DMD: variants seen among roughly 807,000 people sequenced by gnomAD.
DMD encodes dystrophin.
A neutral mutation model predicts 330.1 loss-of-function variants in DMD; 63 were observed. The observed-to-expected ratio is 0.19, with a 90% CI of 0.16 to 0.24. The LOEUF (loss-of-function observed/expected upper bound fraction) is 0.24. DMD is among the 10% of genes least tolerant of loss of function. The probability of loss-of-function intolerance (pLI) is 1.00; values close to 1 mark genes in which losing one functional copy is unlikely to be tolerated. For missense variants in DMD, 3,344 were observed against 2,684.1 expected, an observed-to-expected ratio of 1.25 and a Z score of -5.43; for synonymous variants, 1,223 against 959.8, an observed-to-expected ratio of 1.27 and a Z score of -5.07.
chrX:31,891,941 A>G (rs1194113888), intron 47 of DMD, among the ~76,000 whole-genome samples: 1 of 111,874 alleles, frequency 8.9e-6, no homozygotes, highest in African/African-American at 3.3e-5. Context: ...AATTTACCCA[A>G]ATTGGAAAAT....
At chrX:33,163,696 C>T (rs1379252298) in intron 1 of DMD, among the ~76,000 whole-genome samples, 1 of 101,442 alleles carries the variant, frequency 9.9e-6, no homozygotes, top group African/African-American at 4.0e-5. Context: ...GAATTGCATT[C>T]CTCTCTTACT....
intron 1 of DMD, among the ~76,000 whole-genome samples, chrX:33,139,332 A>T (rs1252412920): frequency 9.0e-6 from 1 of 110,949 alleles, no homozygotes; most frequent in Non-Finnish European, 1.9e-5. Context: ...TCATATTGAA[A>T]TGTAATCCCC....
intron 47 of DMD, among the ~76,000 whole-genome samples, chrX:31,924,354 A>G (rs2094737974): frequency 8.9e-6 from 1 of 112,206 alleles, no homozygotes; most frequent in African/African-American, 3.2e-5. Context: ...ACGACTAATA[A>G]TGACTGTCAT....
rs2097948919 is a variant in DMD at position 32,385,080 on chromosome X, A to G, written c.4674+1230T>C. ...TCCCAAATTTCATTTTGAACAACAA[A>G]AGACCCAGAATAGCCAAAGCAATCT... On this transcript the variant is annotated intron_variant, in intron 33 of 78. Transcript: ENST00000357033. Among the ~76,000 whole-genome samples, 5 of 111,094 alleles carry G rather than the reference A, an allele frequency of 4.5e-5. No individual in the cohort carries two copies. In the Admixed American group the frequency reaches 4.8e-4, roughly 11 times the overall value.
At chrX:31,837,808 C>T (rs1021631565) in intron 48 of DMD, among the ~76,000 whole-genome samples, 1 of 112,229 alleles carries the variant, frequency 8.9e-6, no homozygotes, top group African/African-American at 3.2e-5. Flanking sequence ...TTACTATAAT[C>T]TCATACTGCC....
intron 2 of DMD, among the ~76,000 whole-genome samples, chrX:33,012,221 GA>G (rs1448535744): frequency 9.0e-6 from 1 of 111,333 alleles, no homozygotes; most frequent in East Asian, 2.8e-4. Context: ...ATTGTTTCAG[GA>G]AAACATTCAA....
intron 11 of DMD, among the ~76,000 whole-genome samples, chrX:32,629,435 A>G (rs1227460152): frequency 9.0e-6 from 1 of 111,517 alleles, no homozygotes; most frequent in Non-Finnish European, 1.9e-5. Context: ...CTTGTAAGTA[A>G]CAGATTATTG....
chrX:31,299,222 T>A (rs1032390921), intron 62 of DMD, among the ~76,000 whole-genome samples: 2 of 112,159 alleles, frequency 1.8e-5, no homozygotes, highest in Admixed American at 9.4e-5. Flanking sequence ...GAATCACTAC[T>A]GAGCCTACAC....
At chrX:32,701,284 C>T (rs1054970150) in intron 7 of DMD, among the ~76,000 whole-genome samples, 3 of 112,089 alleles carry the variant, frequency 2.7e-5, no homozygotes, top group African/African-American at 9.7e-5. Context: ...TGATATTAGA[C>T]ATTTCAATGC....
At chrX:31,417,393 G>A (rs377101834) in intron 60 of DMD, among the ~76,000 whole-genome samples, 38 of 110,292 alleles carry the variant, frequency 3.4e-4, no homozygotes, top group African/African-American at 9.6e-4. Context: ...CCAGGTTCAA[G>A]TGATTCTCCT....
At chrX:33,177,371 A>AT (rs976519687) in intron 1 of DMD, among the ~76,000 whole-genome samples, 6 of 110,919 alleles carry the variant, frequency 5.4e-5, no homozygotes, top group Non-Finnish European at 1.1e-4. Context: ...ACAAACGGAA[A>AT]TTTTATTTTA....
intron 54 of DMD, among the ~76,000 whole-genome samples, chrX:31,646,606 G>A (rs1484619355): frequency 2.7e-5 from 3 of 111,452 alleles, no homozygotes; most frequent in Non-Finnish European, 5.7e-5. Flanking sequence ...TGCCCTAGCT[G>A]GTTGGAATAT....
At chrX:31,607,008 C>A (rs571411125) in intron 55 of DMD, among the ~76,000 whole-genome samples, 7 of 111,947 alleles carry the variant, frequency 6.3e-5, no homozygotes, top group African/African-American at 2.3e-4. Context: ...CAGAATTAAT[C>A]AGTCCTACTG....
At chrX:31,339,899 C>A (rs978940545) in intron 61 of DMD, among the ~76,000 whole-genome samples, 3 of 112,873 alleles carry the variant, frequency 2.7e-5, no homozygotes, top group African/African-American at 9.7e-5. Context: ...TTAAGCCAAT[C>A]TGAAGCTTTA....
At chrX:31,352,307 A>G (rs780997456) in intron 60 of DMD, among the ~76,000 whole-genome samples, 2 of 111,557 alleles carry the variant, frequency 1.8e-5, no homozygotes, top group South Asian at 7.5e-4. Flanking sequence ...CATTTCATGA[A>G]TAAATCAATC....
chrX:32,865,428 T>A (rs1000976011), intron 2 of DMD, among the ~76,000 whole-genome samples: 5 of 111,268 alleles, frequency 4.5e-5, no homozygotes, highest in Non-Finnish European at 3.8e-5. Flanking sequence ...GAACAGGTTA[T>A]CAACAGGTAG....
chrX:33,268,270 A>G (rs988456976), intron 1 of DMD, among the ~76,000 whole-genome samples: 7 of 111,219 alleles, frequency 6.3e-5, no homozygotes, highest in Non-Finnish European at 5.7e-5. Context: ...GATTACAGGC[A>G]TGAGGCACTG....
intron 1 of DMD, among the ~76,000 whole-genome samples, chrX:33,084,253 C>A (rs1900795718): frequency 8.9e-6 from 1 of 112,102 alleles, no homozygotes; most frequent in African/African-American, 3.2e-5. Flanking sequence ...GCCACAGGGG[C>A]AATCCTGGGT....
At position 32,018,491 on chromosome X, in the gene DMD, T is replaced by C. The variant is rs191666017; in HGVS notation, c.6439-49977A>G. On this transcript the variant is annotated intron_variant, in intron 44 of 78. Coordinates refer to ENST00000357033, the MANE Select transcript of DMD (RefSeq NM_004006.3). ...GGGTGAGACTTGGGGATTTGTATGT[T>C]TAAGCACCCAGAGTGACTCTGACAT... Among the ~76,000 whole-genome samples the C allele has an allele frequency of 3.2e-3, 362 of 111,501 alleles. 2 individuals are homozygous for C. The highest frequency in any genetic ancestry group is 8.3e-3 in the South Asian group (22 of 2,642).
Sources: allele counts gnomAD v4.1 joint callset (sites outside exome capture counted in the v4.1 genomes callset), GRCh38; gene constraint gnomAD v4.1.1; transcripts MANE v1.5; gene names NCBI Gene and HGNC (gene_info 2026-07-23, HGNC 2026-07-21).